FBXO2: variants seen among roughly 807,000 people sequenced by gnomAD.
The protein encoded by FBXO2 is F-box only protein 2.
A neutral mutation model predicts 38.6 loss-of-function variants in FBXO2; 32 were observed. That is an observed-to-expected ratio of 0.83 (90% CI 0.62 to 1.11). The LOEUF (loss-of-function observed/expected upper bound fraction) is 1.11. Ranked by LOEUF, FBXO2 falls within the 50% of genes most tolerant of loss-of-function variation. The pLI is 0.00. For synonymous variants in FBXO2, 189 were observed against 182.9 expected, an observed-to-expected ratio of 1.03 and a Z score of -0.27; for missense variants, 450 against 418.3, an observed-to-expected ratio of 1.08 and a Z score of -0.66.
chr1:11,648,905 G>A lies in FBXO2; in HGVS notation c.757-77C>T, dbSNP rs1300133011. 12 of 1,575,928 alleles carry A rather than the reference G, an allele frequency of 7.6e-6. No homozygotes were observed. Among genetic ancestry groups the A allele is most frequent in the South Asian group, 5.7e-5 (5 of 88,234 alleles). On this transcript the variant is annotated intron_variant, in intron 5 of 5. Coordinates refer to ENST00000354287, the MANE Select transcript of FBXO2 (RefSeq NM_012168.6). The surrounding 1 kb of genome is among the most constrained non-coding windows in gnomAD (Gnocchi z 4.2). ...GCCGCCCCACCCCGGTACACCGACC[G>A]ACCTGCAGCTCCCCCACTCGGTTTC...
At chr1:11,653,855 C>G (rs1194380442) in intron 1 of FBXO2, among the ~76,000 whole-genome samples, 2 of 152,198 alleles carry the variant, frequency 1.3e-5, no homozygotes, top group Admixed American at 1.3e-4. Context: ...CGGGGAGGGG[C>G]AGCCCCTCCA....
At chr1:11,650,340 T>G in intron 2 of FBXO2, 126 bp downstream of exon 2, 1 of 1,459,880 alleles carries the variant, frequency 6.8e-7, no homozygotes, top group Admixed American at 2.2e-5. Flanking sequence ...ATAGACAGCC[T>G]TGGGGCTACC....
At chr1:11,650,350 C>T (rs1639492046) in intron 2 of FBXO2, 116 bp downstream of exon 2, 1 of 1,474,354 alleles carries the variant, frequency 6.8e-7, no homozygotes, top group African/African-American at 1.4e-5. Context: ...TTGGGGCTAC[C>T]CAGTGCTGGC....
rs754265732 is a variant in FBXO2 at position 11,650,547 on chromosome 1, C to G, written c.310G>C (p.Glu104Gln). 1 of 1,598,680 alleles carries G rather than the reference C, an allele frequency of 6.3e-7. No individual in the cohort carries two copies. Among genetic ancestry groups the G allele is most frequent in the East Asian group, 2.3e-5 (1 of 44,182 alleles). Residue 104 changes from glutamate to glutamine, a missense_variant, in exon 2 of 6, where the codon GAG becomes CAG. Transcript: ENST00000354287. ...QEGLVPEGGVEEERDHWQQFY... is the reference protein window; with the variant it reads ...QEGLVPEGGVQEERDHWQQFY... ...TGCTGCCAGTGGTCGCGCTCCTCCT[C>G]CACGCCGCCCTCGGGCACCAGCCCC...
At chr1:11,650,174 T>C in intron 2 of FBXO2, 100 bp from the exon 3 acceptor site, 2 of 1,531,202 alleles carry the variant, frequency 1.3e-6, no homozygotes, top group Middle Eastern at 2.1e-4. Context: ...GCACTTGGTG[T>C]CTTGGTGGGC....
rs1353657402 is a variant in FBXO2, at chr1:11,648,650, C to T, written c.*44G>A. 6.2e-6 allele frequency: 10 copies of T among 1,606,882 alleles called. No homozygotes were observed. Among genetic ancestry groups the T allele is most frequent in the Non-Finnish European group, 8.5e-6 (10 of 1,175,094 alleles). On this transcript the variant is annotated 3_prime_UTR_variant, in exon 6 of 6. Coordinates refer to ENST00000354287, the MANE Select transcript of FBXO2 (RefSeq NM_012168.6). The surrounding 1 kb of genome is among the most constrained non-coding windows in gnomAD (Gnocchi z 4.2). ...AAGTTAAGGCCTATCTACCCTCGAC[C>T]TTTGCCCCTCCAGGCAGCTGGGGGA...
At chr1:11,653,014 G>A (rs576824275) in intron 1 of FBXO2, among the ~76,000 whole-genome samples, 24 of 152,318 alleles carry the variant, frequency 1.6e-4, no homozygotes, top group African/African-American at 5.8e-4. Flanking sequence ...TGGCAAAGAG[G>A]AAACTGAGGC....
Position 11,650,722 on chromosome 1 carries a change from CGCG to C in FBXO2, c.132_134del (p.Ala45del), listed in dbSNP as rs148874459. On this transcript the variant is annotated inframe_deletion, in exon 2 of 6. Transcript: ENST00000354287. ...GCGGCTCGGGCAGCTCGTCCAGGTA[CGCG>C]GCGGCGGCCGCCGCCTCCTCCTCCT... is the stretch of plus-strand genomic sequence containing the variant. 5.9e-3 allele frequency: 9,050 copies of C among 1,526,330 alleles called. 436 individuals are homozygous for C. In the African/African-American group the frequency reaches 0.11, roughly 19 times the overall value. The allele number at this position is 1,526,330 out of a possible 1,614,324, so 94.5% of individuals were successfully genotyped here. A position where few individuals can be genotyped will look rare whatever the true frequency, so the allele number is the denominator to read the frequency against.
At position 11,649,135 on chromosome 1, in the gene FBXO2, G is replaced by A; in HGVS notation, c.708C>T (p.Ser236=). 1.9e-6 allele frequency: 3 copies of A among 1,595,756 alleles called. No individual in the cohort carries two copies. Among genetic ancestry groups the A allele is most frequent in the Non-Finnish European group, 2.6e-6 (3 of 1,172,054 alleles). ...TGTCTTGGGGCACTGCCACCTGCCC[G>A]CTGCTGAACTCAGCCAGCACGTTCT... is the stretch of plus-strand genomic sequence containing the variant. The part of the protein sequence containing the change: ...EHENVLAEFS[S]GQVAVPQDSD... The change falls in exon 5 of 6, where the codon AGC becomes AGT. Residue 236 remains serine, a synonymous_variant. Transcript: ENST00000354287.
chr1:11,651,147 C>T (rs9430198), intron 1 of FBXO2, among the ~76,000 whole-genome samples: 33,095 of 152,136 alleles, frequency 0.22, 6,985 homozygotes, highest in African/African-American at 0.56. Context: ...TATAGCACTG[C>T]ACAGTGCTTC....
intron 1 of FBXO2, among the ~76,000 whole-genome samples, chr1:11,652,703 T>A (rs758566558): frequency 5.9e-5 from 9 of 152,140 alleles, no homozygotes; most frequent in Non-Finnish European, 1.2e-4. Context: ...GGAGTTCCCA[T>A]GGGCTAGGCC....
At chr1:11,653,359 A>C (rs1639573981) in intron 1 of FBXO2, 1 of 152,496 alleles carries the variant, frequency 6.6e-6, no homozygotes, top group Non-Finnish European at 1.5e-5. Context: ...TGGCCCCTGG[A>C]AGCTGCCTGC....
At position 11,650,534 on chromosome 1, in the gene FBXO2, TCGCGCTCCTCCTCCACGC is replaced by T. The variant is rs1639497923; in HGVS notation, c.305_322del (p.Gly102_Arg107del). On this transcript the variant is annotated inframe_deletion, in exon 2 of 6. Transcript: ENST00000354287. ...CAGGAAGTAGAACTGCTGCCAGTGG[TCGCGCTCCTCCTCCACGC>T]CGCCCTCGGGCACCAGCCCCTCCTG... 6.2e-7 allele frequency: 1 copy of T among 1,602,778 alleles called. No individual in the cohort carries two copies. The highest frequency in any genetic ancestry group is 1.3e-5 in the African/African-American group (1 of 74,896).
rs1217627410 is a variant in FBXO2 at position 11,650,664 on chromosome 1, C to A, written c.193G>T (p.Ala65Ser). 5 of 1,548,160 alleles carry A rather than the reference C, an allele frequency of 3.2e-6. No homozygotes were observed. The East Asian group carries it at 9.7e-5, about 30-fold the overall frequency. ...LLRVLAALPA[A>S]ELVQACRLVC... ...AGGCGGCAGGCCTGCACCAGCTCGG[C>A]GGCCGGCAGTGCGGCCAGCACGCGC... Residue 65 changes from alanine to serine, a missense_variant, in exon 2 of 6, where the codon GCC (alanine) becomes TCC (serine). Ala to Ser is a moderately conservative substitution (Grantham distance 99, BLOSUM62 1). Transcript: ENST00000354287.
intron 1 of FBXO2, among the ~76,000 whole-genome samples, chr1:11,651,583 C>A (rs765602721): frequency 6.6e-6 from 1 of 152,212 alleles, no homozygotes; most frequent in Non-Finnish European, 1.5e-5. Flanking sequence ...CAGGATCACA[C>A]GGCTAATCAG....
rs775127494 is a variant in FBXO2, at chr1:11,648,692, G to T, written c.*2C>A. ...GCTGGGGGAGAGTGGAGGCAGGGTC[G>T]CTCAGGGTTCTACCCACACGCTGCT... is the stretch of plus-strand genomic sequence containing the variant. On this transcript the variant is annotated 3_prime_UTR_variant, in exon 6 of 6. Coordinates refer to ENST00000354287, the MANE Select transcript of FBXO2 (RefSeq NM_012168.6). The surrounding 1 kb of genome is among the most constrained non-coding windows in gnomAD (Gnocchi z 4.2). The T allele has an allele frequency of 6.2e-7, 1 of 1,613,106 alleles. No homozygotes were observed. Among genetic ancestry groups the T allele is most frequent in the South Asian group, 1.1e-5 (1 of 91,072 alleles).
At position 11,648,739 on chromosome 1, in the gene FBXO2, C is replaced by G; in HGVS notation, c.846G>C (p.Trp282Cys). Reference protein sequence around the residue: ...GGQDSVYWKGWFGARVTNSSV... With the variant: ...GGQDSVYWKGCFGARVTNSSV... ...TGCTGTTGGTCACCCGGGCCCCGAACCAGCCCTTCCAGTAGACGGAGTCCT... is the reference window on the plus strand; with the variant it reads ...TGCTGTTGGTCACCCGGGCCCCGAAGCAGCCCTTCCAGTAGACGGAGTCCT... Residue 282 changes from tryptophan (W) to cysteine (C), a missense_variant, in exon 6 of 6, where the codon TGG becomes TGC. Coordinates refer to ENST00000354287, the MANE Select transcript of FBXO2 (RefSeq NM_012168.6). This position sits in a 1 kb window ranked among gnomAD's most constrained non-coding sequence, Gnocchi z 4.2. 6.2e-7 allele frequency: 1 copy of G among 1,613,520 alleles called. No individual in the cohort carries two copies. The highest frequency in any genetic ancestry group is 2.2e-5 in the East Asian group (1 of 44,880).
At position 11,648,940 on chromosome 1, in the gene FBXO2, T is replaced by C. The variant is rs1022167317; in HGVS notation, c.757-112A>G. On this transcript the variant is annotated intron_variant, in intron 5 of 5. Transcript: ENST00000354287. This position sits in a 1 kb window ranked among gnomAD's most constrained non-coding sequence, Gnocchi z 4.2. ...TCCCCCACTCGGTTTCTCCGCGGTATTCAGAACTCTCTCCACCACCCGGTG... is the reference window on the plus strand; with the variant it reads ...TCCCCCACTCGGTTTCTCCGCGGTACTCAGAACTCTCTCCACCACCCGGTG... 32 of 1,517,154 alleles carry C rather than the reference T, an allele frequency of 2.1e-5. No individual in the cohort carries two copies. In the Admixed American group the frequency reaches 5.9e-4, roughly 28 times the overall value. 94.0% of individuals were successfully genotyped at this position (1,517,154 alleles called of 1,614,324 possible). A position where few individuals can be genotyped will look rare whatever the true frequency, so the allele number is the denominator to read the frequency against.
intron 1 of FBXO2, chr1:11,654,068 T>C: frequency 4.6e-6 from 2 of 432,634 alleles, no homozygotes; most frequent in Non-Finnish European, 8.2e-6. Context: ...GGGGGTCCTC[T>C]GGTGCTACTT....
Sources: gnomAD v4.1 joint callset for allele counts (sites outside exome capture counted in the v4.1 genomes callset) on GRCh38, gnomAD v4.1.1 for gene constraint, Gnocchi (gnomAD v3.1) non-coding constraint, MANE v1.5 for transcripts, NCBI Gene and HGNC (gene_info 2026-07-23, HGNC 2026-07-21) for gene names.